Variants in POTEJ observed in about 807,000 individuals in gnomAD.
The protein encoded by POTEJ is POTE ankyrin domain family, member J.
In POTEJ, 11 loss-of-function variants were observed where a neutral mutation model predicts 69.0. The observed-to-expected ratio is 0.16, with a 90% CI of 0.10 to 0.26. The LOEUF is 0.26. Among genes scored for constraint, POTEJ ranks in the 10% least tolerant of loss-of-function variants. POTEJ has a pLI of 1.00. For synonymous variants in POTEJ, 117 were observed against 381.1 expected (o/e 0.31, Z 8.07); for missense variants, 327 against 1,045.5 (o/e 0.31, Z 9.48).
chr2:130,626,854 C>G (rs1400641878), intron 6 of POTEJ, among the ~76,000 whole-genome samples: 3 of 152,142 alleles, frequency 2.0e-5, no homozygotes, highest in African/African-American at 7.3e-5. Flanking sequence ...ATGCTTTTTT[C>G]ATTTGTTTTG....
chr2:130,644,503 A>G (rs1176340429), intron 11 of POTEJ, among the ~76,000 whole-genome samples: 2 of 152,266 alleles, frequency 1.3e-5, no homozygotes, highest in Non-Finnish European at 2.9e-5. Context: ...ATAGATTCTT[A>G]AAATTTATTG....
At chr2:130,612,405 C>A (rs533832402) in intron 1 of POTEJ, among the ~76,000 whole-genome samples, 159 of 149,618 alleles carry the variant, frequency 1.1e-3, no homozygotes, top group Non-Finnish European at 1.9e-3. Flanking sequence ...TACTGAGGAA[C>A]CTTAGAAGGA....
intron 11 of POTEJ, among the ~76,000 whole-genome samples, chr2:130,644,530 C>G (rs1686515492): frequency 6.6e-6 from 1 of 152,244 alleles, no homozygotes; most frequent in African/African-American, 2.4e-5. Flanking sequence ...AATCAGCAAC[C>G]TTGTTAACAG....
At chr2:130,613,686 C>G (rs373098422) in intron 1 of POTEJ, among the ~76,000 whole-genome samples, 5,646 of 95,132 alleles carry the variant, frequency 0.059, 177 homozygotes, top group African/African-American at 0.12. Flanking sequence ...CAGGCGTGAG[C>G]CACCGTGCCT....
In POTEJ at chr2:130,636,812, G is replaced by A; in HGVS notation, c.1299-1807G>A. ...CTCACTTTAAAAATGTTTGACGTAG[G>A]TCGGGCATGGTGGCTCACACCTGTA... is the stretch of plus-strand genomic sequence containing the variant. On this transcript the variant is annotated intron_variant, in intron 9 of 14. Transcript: ENST00000409602. Among the ~76,000 whole-genome samples, 2 of 147,920 alleles carry A rather than the reference G, an allele frequency of 1.4e-5. 1 individual carries two copies.
intron 9 of POTEJ, among the ~76,000 whole-genome samples, chr2:130,632,917 G>A (rs1454384267): frequency 2.0e-5 from 3 of 146,794 alleles, no homozygotes; most frequent in African/African-American, 7.9e-5. Flanking sequence ...TTAGTTTCAG[G>A]GGTACATGTG....
intron 1 of POTEJ, among the ~76,000 whole-genome samples, chr2:130,613,280 GTATATATACATATATATA>G (rs1685289124): frequency 2.1e-5 from 1 of 47,222 alleles, no homozygotes; most frequent in East Asian, 7.7e-4. Flanking sequence ...ATATACATAT[GTATATATACATATATATA>G]CATATGTATA....
At chr2:130,631,144 T>C (rs558571723) in intron 7 of POTEJ, among the ~76,000 whole-genome samples, 1 of 148,874 alleles carries the variant, frequency 6.7e-6, no homozygotes, top group African/African-American at 2.6e-5. Context: ...ACGTTTTTTT[T>C]CTTCCTTGGG....
At chr2:130,626,956 G>A (rs1438638498) in intron 6 of POTEJ, among the ~76,000 whole-genome samples, 18 of 152,132 alleles carry the variant, frequency 1.2e-4, no homozygotes, top group Non-Finnish European at 7.3e-5. Context: ...GTTCCCAGTG[G>A]CAGTGGGAAT....
intron 10 of POTEJ, among the ~76,000 whole-genome samples, chr2:130,639,216 C>G (rs1367583901): frequency 6.6e-6 from 1 of 152,428 alleles, no homozygotes; most frequent in East Asian, 1.9e-4. Context: ...TGGACTGGTA[C>G]CAGTCTGTGG....
intron 9 of POTEJ, among the ~76,000 whole-genome samples, chr2:130,637,126 G>T (rs1199084827): frequency 2.0e-5 from 3 of 146,844 alleles, no homozygotes; most frequent in Admixed American, 6.8e-5. Context: ...TAACAGTTTT[G>T]CCTGGTAATT....
At chr2:130,643,586 G>C (rs570990267) in intron 10 of POTEJ, among the ~76,000 whole-genome samples, 1 of 144,874 alleles carries the variant, frequency 6.9e-6, no homozygotes, top group Admixed American at 7.0e-5. Context: ...TTAGATATTA[G>C]GAAGATGTTG....
chr2:130,640,400 C>A, intron 10 of POTEJ, among the ~76,000 whole-genome samples: 2 of 147,744 alleles, frequency 1.4e-5, no homozygotes, highest in Admixed American at 1.4e-4. Flanking sequence ...AGCTCTTATC[C>A]TGTGGGCCAT....
chr2:130,613,681 G>A (rs1409931314), intron 1 of POTEJ, among the ~76,000 whole-genome samples: 4 of 137,612 alleles, frequency 2.9e-5, no homozygotes, highest in Non-Finnish European at 6.1e-5. Flanking sequence ...GGTTACAGGC[G>A]TGAGCCACCG....
rs752996397 is a variant in POTEJ, at chr2:130,656,502, A to G, written c.1789-47A>G. 45 of 1,572,552 alleles carry G rather than the reference A, an allele frequency of 2.9e-5. 1 individual carries two copies. The South Asian group carries it at 5.0e-4, about 18-fold the overall frequency. ...TTTGAATTTCAAAAGAAATCATGTT[A>G]TGTCAATCTATTGAGTGCTAACTAA... On this transcript the variant is annotated intron_variant, in intron 14 of 14. Coordinates refer to ENST00000409602, the MANE Select transcript of POTEJ (RefSeq NM_001277083.2).
At chr2:130,651,761 A>G (rs1403417655) in intron 13 of POTEJ, among the ~76,000 whole-genome samples, 1 of 143,300 alleles carries the variant, frequency 7.0e-6, no homozygotes, top group African/African-American at 2.7e-5. Context: ...TTTTCTCTGT[A>G]CAATACTAGT....
intron 13 of POTEJ, among the ~76,000 whole-genome samples, chr2:130,648,092 G>T (rs1226838305): frequency 6.8e-6 from 1 of 147,680 alleles, no homozygotes; most frequent in African/African-American, 2.5e-5. Flanking sequence ...TCCTAGAATT[G>T]GCTGATTTTT....
intron 14 of POTEJ, among the ~76,000 whole-genome samples, chr2:130,655,350 C>G (rs1203116706): frequency 2.6e-5 from 4 of 152,308 alleles, no homozygotes; most frequent in Non-Finnish European, 5.9e-5. Context: ...CAGATTTTCT[C>G]GTTTTTGGAC....
intron 6 of POTEJ, among the ~76,000 whole-genome samples, chr2:130,626,640 T>C (rs1238042993): frequency 6.6e-6 from 1 of 152,176 alleles, no homozygotes; most frequent in African/African-American, 2.4e-5. Context: ...TATAGTTTGC[T>C]GGGATTGATG....
Sources: gnomAD v4.1 joint callset for allele counts (sites outside exome capture counted in the v4.1 genomes callset) on GRCh38, gnomAD v4.1.1 for gene constraint, MANE v1.5 for transcripts, NCBI Gene and HGNC (gene_info 2026-07-23, HGNC 2026-07-21) for gene names.